Variants in PDE1A observed in about 807,000 individuals in gnomAD.
PDE1A encodes dual specificity calcium/calmodulin-dependent 3',5'-cyclic nucleotide phosphodiesterase 1A.
Under a neutral mutation model 61.7 loss-of-function variants are expected in PDE1A, and 35 were observed. That is an observed-to-expected ratio of 0.57 (90% CI 0.43 to 0.75). PDE1A has a LOEUF of 0.75. PDE1A is among the 30% of genes least tolerant of loss of function. The pLI, the probability that PDE1A is intolerant of heterozygous loss-of-function variation, is 0.00. For missense variants in PDE1A, 597 were observed against 630.6 expected, an observed-to-expected ratio of 0.95 and a Z score of 0.57; for synonymous variants, 232 against 213.2, an observed-to-expected ratio of 1.09 and a Z score of -0.77.
At chr2:182,369,264 T>C (rs1298112272) in intron 1 of PDE1A, among the ~76,000 whole-genome samples, 1 of 152,200 alleles carries the variant, frequency 6.6e-6, no homozygotes, top group African/African-American at 2.4e-5. Flanking sequence ...CACAAGCCCA[T>C]GCAGTGTACA....
chr2:182,198,245 T>C (rs1056851215), intron 10 of PDE1A, among the ~76,000 whole-genome samples: 5 of 151,988 alleles, frequency 3.3e-5, no homozygotes, highest in African/African-American at 9.6e-5. Context: ...AATAAACTCA[T>C]TTATTAATTC....
the PDE1A span, among the ~76,000 whole-genome samples, chr2:182,712,955 T>C: frequency 2.0e-5 from 3 of 152,150 alleles, no homozygotes; most frequent in Non-Finnish European, 4.4e-5. Context: ...CCAAACTCCT[T>C]AAAATAAACT....
chr2:182,398,774 T>C (rs1701842617), intron 1 of PDE1A, among the ~76,000 whole-genome samples: 1 of 152,058 alleles, frequency 6.6e-6, no homozygotes, highest in Non-Finnish European at 1.5e-5. Context: ...TATAATTAAT[T>C]CATACAAATG....
At chr2:182,426,999 G>C in exon 1 of PDE1A, 2 of 1,005,130 alleles carry the variant, frequency 2.0e-6, no homozygotes, top group Non-Finnish European at 2.4e-6. Context: ...TTGCAGCCAT[G>C]AGAGCTCTCC....
chr2:182,664,418 A>G, the PDE1A span, among the ~76,000 whole-genome samples: 4 of 152,194 alleles, frequency 2.6e-5, no homozygotes, highest in Admixed American at 6.6e-5. Flanking sequence ...ACATGGCTAT[A>G]AAAAGAGTAA....
rs979615119 is a variant in PDE1A, at chr2:182,333,690, A to C, written c.54-69276T>G. ...AAGAAGTAAAGAAGCTAGAGAAAAC[A>C]AATTCAAAAGCTAGCAGAAGACAAG... On this transcript the variant is annotated intron_variant, in intron 1 of 13. Coordinates refer to ENST00000351439, the Ensembl canonical transcript of PDE1A. Among the ~76,000 whole-genome samples, 6 of 152,292 alleles carry C rather than the reference A, an allele frequency of 3.9e-5. No individual in the cohort carries two copies. In the East Asian group the frequency reaches 1.2e-3, roughly 29 times the overall value.
chr2:182,496,652 G>A (rs927878497), intron 2 of PDE1A, among the ~76,000 whole-genome samples: 1 of 152,244 alleles, frequency 6.6e-6, no homozygotes, highest in African/African-American at 2.4e-5. Flanking sequence ...TCTTTCTGCT[G>A]CTATTTTGGC....
chr2:182,146,471 C>T (rs1244935914), downstream of PDE1A, among the ~76,000 whole-genome samples: 4 of 151,948 alleles, frequency 2.6e-5, no homozygotes, highest in Non-Finnish European at 4.4e-5. Flanking sequence ...TCCCCATGAA[C>T]GTATTTATTA....
At chr2:182,501,576 C>T (rs1380456960) in intron 2 of PDE1A, among the ~76,000 whole-genome samples, 1 of 152,180 alleles carries the variant, frequency 6.6e-6, no homozygotes, top group East Asian at 1.9e-4. Flanking sequence ...AATCTCCTAC[C>T]ATATATTCAT....
chr2:182,710,450 C>G, the PDE1A span, among the ~76,000 whole-genome samples: 1 of 152,124 alleles, frequency 6.6e-6, no homozygotes, highest in Non-Finnish European at 1.5e-5. Context: ...ATATTAGATC[C>G]CCAGAACATA....
chr2:182,286,218 A>C (rs559401774), intron 1 of PDE1A, among the ~76,000 whole-genome samples: 33 of 152,040 alleles, frequency 2.2e-4, no homozygotes, highest in Middle Eastern at 6.8e-3. Flanking sequence ...AACTCATTAC[A>C]TTTCCTCCTC....
the PDE1A span, among the ~76,000 whole-genome samples, chr2:182,548,751 C>T: frequency 9.9e-5 from 15 of 152,184 alleles, no homozygotes; most frequent in Admixed American, 4.6e-4. Flanking sequence ...ATATTTTCCC[C>T]ACTTGGAACC....
intron 1 of PDE1A, among the ~76,000 whole-genome samples, chr2:182,419,672 T>C (rs1703150598): frequency 6.6e-6 from 1 of 152,340 alleles, no homozygotes; most frequent in Non-Finnish European, 1.5e-5. Context: ...AACAAACTTT[T>C]CATTCTATCA....
chr2:182,335,419 T>C (rs1369437491), intron 1 of PDE1A, among the ~76,000 whole-genome samples: 1 of 151,942 alleles, frequency 6.6e-6, no homozygotes, highest in Non-Finnish European at 1.5e-5. Flanking sequence ...CAAAACAGAT[T>C]TATAGACCAA....
intron 1 of PDE1A, among the ~76,000 whole-genome samples, chr2:182,330,003 G>T (rs1032481394): frequency 1.3e-5 from 2 of 151,848 alleles, no homozygotes; most frequent in Admixed American, 1.3e-4. Flanking sequence ...TACCATCTGT[G>T]ACTATTTAAT....
chr2:182,686,587 A>G, the PDE1A span, among the ~76,000 whole-genome samples: 1 of 152,242 alleles, frequency 6.6e-6, no homozygotes, highest in Non-Finnish European at 1.5e-5. Context: ...GCTCCAGTCT[A>G]CAGCTCCCAG....
rs574464212 is a variant in PDE1A at position 182,263,324 on chromosome 2, C to T, written c.167+977G>A. On this transcript the variant is annotated intron_variant, in intron 2 of 13. Transcript: ENST00000351439. ...GGACCATTTGTGGGTCCTTCAGAGA[C>T]AACTTGCTAACACCAAGAGAGTACT... Among the ~76,000 whole-genome samples, 4 of 152,246 alleles carry T rather than the reference C, an allele frequency of 2.6e-5. No individual in the cohort carries two copies. The East Asian group carries it at 5.8e-4, about 22-fold the overall frequency.
the PDE1A span, among the ~76,000 whole-genome samples, chr2:182,575,211 G>A: frequency 1.3e-5 from 2 of 152,164 alleles, no homozygotes; most frequent in South Asian, 2.1e-4. Context: ...GGCTGTTGTC[G>A]TTTCCCATTG....
At chr2:182,303,913 T>TTTGTTTGTTTGTTTG (rs374940983) in intron 1 of PDE1A, among the ~76,000 whole-genome samples, 1 of 151,592 alleles carries the variant, frequency 6.6e-6, no homozygotes, top group African/African-American at 2.4e-5. Context: ...TTGTTTGTTT[T>TTTGTTTGTTTGTTTG]TTTGTTGAGA....
Sources: allele counts gnomAD v4.1 joint callset (sites outside exome capture counted in the v4.1 genomes callset), GRCh38; gene constraint gnomAD v4.1.1; transcripts MANE v1.5; gene names NCBI Gene and HGNC (gene_info 2026-07-23, HGNC 2026-07-21).